The following FNDC3A variants were observed in gnomAD, a reference collection of about 807,000 sequenced individuals.
The protein encoded by FNDC3A is fibronectin type III domain containing 3A, also known as fibronectin type-III domain-containing protein 3A.
A neutral mutation model predicts 148.9 loss-of-function variants in FNDC3A; 32 were observed. That is an observed-to-expected ratio of 0.21 (90% CI 0.16 to 0.29). The LOEUF is 0.29. FNDC3A is among the 10% of genes least tolerant of loss of function. The probability of loss-of-function intolerance (pLI) is 1.00; values close to 1 mark genes in which losing one functional copy is unlikely to be tolerated. For missense variants in FNDC3A, 1,191 were observed against 1,452.8 expected, an observed-to-expected ratio of 0.82 and a Z score of 2.93; for synonymous variants, 472 against 473.6, an observed-to-expected ratio of 1.00 and a Z score of 0.04.
At chr13:49,042,129 G>A (rs901834843) in intron 2 of FNDC3A, among the ~76,000 whole-genome samples, 6 of 152,156 alleles carry the variant, frequency 3.9e-5, no homozygotes, top group Non-Finnish European at 5.9e-5. Flanking sequence ...CTTGGGAGAA[G>A]AGCCATAATT....
chr13:49,203,669 G>A (rs1020363913), intron 25 of FNDC3A, among the ~76,000 whole-genome samples: 1 of 152,202 alleles, frequency 6.6e-6, no homozygotes, highest in Non-Finnish European at 1.5e-5. Flanking sequence ...ATAGGGAGTG[G>A]AGGGGGAGGG....
At chr13:49,088,843 G>A (rs1382249866) in intron 3 of FNDC3A, among the ~76,000 whole-genome samples, 2 of 152,052 alleles carry the variant, frequency 1.3e-5, no homozygotes, top group Non-Finnish European at 2.9e-5. Context: ...AGGATTTACA[G>A]GCATGAGGCA....
chr13:49,167,441 G>A (rs556307838), intron 9 of FNDC3A, 138 bp downstream of exon 9: 2 of 564,744 alleles, frequency 3.5e-6, no homozygotes, highest in East Asian at 3.1e-5. Context: ...GCTGGGCGCA[G>A]TGCGCCCGTA....
At chr13:49,191,620 C>T (rs1480691267) in intron 19 of FNDC3A, among the ~76,000 whole-genome samples, 1 of 152,148 alleles carries the variant, frequency 6.6e-6, no homozygotes, top group Non-Finnish European at 1.5e-5. Flanking sequence ...CTTTGGACTT[C>T]AGCTGGGCTA....
At chr13:49,038,439 G>A (rs1437173366) in intron 2 of FNDC3A, among the ~76,000 whole-genome samples, 2 of 152,090 alleles carry the variant, frequency 1.3e-5, no homozygotes, top group Non-Finnish European at 2.9e-5. Context: ...CAGGAAATTA[G>A]GACATAGACA....
intron 1 of FNDC3A, among the ~76,000 whole-genome samples, chr13:48,984,707 A>G (rs1328094740): frequency 6.6e-6 from 1 of 152,154 alleles, no homozygotes; most frequent in East Asian, 1.9e-4. Flanking sequence ...TATTTTTGAG[A>G]TGGAGTCTCG....
intron 3 of FNDC3A, among the ~76,000 whole-genome samples, chr13:49,089,347 T>C (rs549550590): frequency 1.5e-4 from 23 of 152,328 alleles, no homozygotes; most frequent in Non-Finnish European, 3.2e-4. Flanking sequence ...CTCTTGTACA[T>C]AACCTACATA....
intron 2 of FNDC3A, among the ~76,000 whole-genome samples, chr13:49,022,324 T>G (rs1873388683): frequency 6.6e-6 from 1 of 152,140 alleles, no homozygotes; most frequent in Admixed American, 6.6e-5. Context: ...AAAACAAAGC[T>G]CTACATGTTT....
chr13:48,981,602 A>G (rs1173169617), intron 1 of FNDC3A, among the ~76,000 whole-genome samples: 1 of 152,066 alleles, frequency 6.6e-6, no homozygotes, highest in Admixed American at 6.6e-5. Flanking sequence ...GCTTATTTTT[A>G]AAATCCTATA....
chr13:49,072,654 T>G (rs1877775512), intron 2 of FNDC3A, among the ~76,000 whole-genome samples: 1 of 152,182 alleles, frequency 6.6e-6, no homozygotes, highest in South Asian at 2.1e-4. Context: ...AAAATAATAA[T>G]TATTATTTAA....
chr13:48,991,334 T>C (rs541022318), intron 1 of FNDC3A, among the ~76,000 whole-genome samples: 2 of 152,108 alleles, frequency 1.3e-5, no homozygotes, highest in South Asian at 4.2e-4. Flanking sequence ...ATAAAGAGGA[T>C]TATTTCATAC....
chr13:49,164,841 G>A (rs566660971), intron 8 of FNDC3A, among the ~76,000 whole-genome samples: 2 of 152,262 alleles, frequency 1.3e-5, no homozygotes, highest in Admixed American at 1.3e-4. Context: ...GAACTCCTGA[G>A]GTGATCCGCC....
intron 8 of FNDC3A, among the ~76,000 whole-genome samples, chr13:49,155,385 G>T (rs9535162): frequency 0.64 from 93,286 of 145,264 alleles, 29,564 homozygotes; most frequent in Non-Finnish European, 0.68. Context: ...CATTTTTTTT[G>T]TGTGTCTATT....
chr13:49,089,204 C>A (rs1433347267), intron 3 of FNDC3A, among the ~76,000 whole-genome samples: 1 of 152,056 alleles, frequency 6.6e-6, no homozygotes, highest in Non-Finnish European at 1.5e-5. Flanking sequence ...TGTATTTTAC[C>A]ACAATTTAAA....
At chr13:49,146,074 A>G in intron 8 of FNDC3A, 139 bp downstream of exon 8, 1 of 608,978 alleles carries the variant, frequency 1.6e-6, no homozygotes, top group South Asian at 2.3e-5. Context: ...TAGTGATTTC[A>G]ATGTAAATGG....
intron 8 of FNDC3A, among the ~76,000 whole-genome samples, chr13:49,166,772 TC>T (rs1331716923): frequency 6.6e-6 from 1 of 152,184 alleles, no homozygotes; most frequent in Non-Finnish European, 1.5e-5. Flanking sequence ...CCAGTTTAAT[TC>T]CAGTGTTCTC....
At chr13:49,095,644 A>G (rs978128775) in intron 3 of FNDC3A, among the ~76,000 whole-genome samples, 1 of 152,122 alleles carries the variant, frequency 6.6e-6, no homozygotes, top group Non-Finnish European at 1.5e-5. Context: ...CATTAGAAGG[A>G]TATCCTGGTG....
At chr13:49,109,434 C>T (rs368924274) in intron 3 of FNDC3A, among the ~76,000 whole-genome samples, 5 of 152,292 alleles carry the variant, frequency 3.3e-5, no homozygotes, top group African/African-American at 1.2e-4. Flanking sequence ...AATTCACTTT[C>T]TTTCCACTGT....
At chr13:49,117,624 T>C (rs536458699) in intron 4 of FNDC3A, among the ~76,000 whole-genome samples, 2 of 152,296 alleles carry the variant, frequency 1.3e-5, no homozygotes, top group African/African-American at 4.8e-5. Context: ...ATTGCATCTA[T>C]ACTGAACACG....
Sources: allele counts gnomAD v4.1 joint callset (sites outside exome capture counted in the v4.1 genomes callset), GRCh38; gene constraint gnomAD v4.1.1; transcripts MANE v1.5; gene names NCBI Gene and HGNC (gene_info 2026-07-23, HGNC 2026-07-21).